The following CNGB3 variants were observed in gnomAD, a reference collection of about 807,000 sequenced individuals.
CNGB3 encodes cyclic nucleotide gated channel subunit beta 3.
Under a neutral mutation model 92.8 loss-of-function variants are expected in CNGB3, and 86 were observed. That is an observed-to-expected ratio of 0.93 (90% CI 0.78 to 1.11). CNGB3 has a LOEUF of 1.11. Ranked by LOEUF, CNGB3 falls within the 50% of genes least tolerant of loss-of-function variation. CNGB3 has a pLI of 0.00. For missense variants in CNGB3, 1,026 were observed against 956.8 expected, an observed-to-expected ratio of 1.07 and a Z score of -0.95; for synonymous variants, 333 against 332.7, an observed-to-expected ratio of 1.00 and a Z score of -0.01.
intron 10 of CNGB3, among the ~76,000 whole-genome samples, chr8:86,641,612 G>A (rs961490191): frequency 6.6e-6 from 1 of 151,228 alleles, no homozygotes; most frequent in African/African-American, 2.4e-5. Flanking sequence ...GGACTGGTTT[G>A]CTTTTTAAAT....
intron 3 of CNGB3, among the ~76,000 whole-genome samples, chr8:86,685,695 A>T (rs539462732): frequency 4.4e-4 from 67 of 152,278 alleles, no homozygotes; most frequent in African/African-American, 1.5e-3. Context: ...TAGGTGATAG[A>T]AGGTTAGAAA....
At chr8:86,625,097 C>G (rs1023802485) in intron 13 of CNGB3, among the ~76,000 whole-genome samples, 18 of 152,282 alleles carry the variant, frequency 1.2e-4, no homozygotes, top group African/African-American at 4.1e-4. Context: ...CCTGCAGAAC[C>G]ATGACCAAAT....
Position 86,611,623 on chromosome 8 carries a change from C to T in CNGB3, c.1627G>A (p.Val543Ile), listed in dbSNP as rs746817996. 1.8e-5 allele frequency: 29 copies of T among 1,613,394 alleles called. 1 individual carries two copies. The highest frequency in any genetic ancestry group is 1.3e-4 in the South Asian group (12 of 91,056). ...ACAAAGTCACCAGGCAAATAGAGAACGGATTTCAATCTTAGCAACATGTCA... is the reference window on the plus strand; with the variant it reads ...ACAAAGTCACCAGGCAAATAGAGAATGGATTTCAATCTTAGCAACATGTCA... ...IYDMLLRLKS[V>I]LYLPGDFVCK... Residue 543 changes from valine to isoleucine, a missense_variant, in exon 14 of 18, where the codon GTT becomes ATT. Val to Ile is a conservative substitution (Grantham distance 29). Transcript: ENST00000320005.
Position 86,585,653 on chromosome 8 carries a change from G to A in CNGB3, c.1782-6401C>T, listed in dbSNP as rs140892621. Among the ~76,000 whole-genome samples, 14 of 152,300 alleles carry A rather than the reference G, an allele frequency of 9.2e-5. No individual in the cohort carries two copies. The East Asian group carries it at 2.7e-3, about 29-fold the overall frequency. ...GCACAGTGGGGCTTCAAATTTAGGTGTAAGCCTTCTGTACCATAAAAATGG... is the reference window on the plus strand; with the variant it reads ...GCACAGTGGGGCTTCAAATTTAGGTATAAGCCTTCTGTACCATAAAAATGG... On this transcript the variant is annotated intron_variant, in intron 15 of 17. Transcript: ENST00000320005.
At chr8:86,715,736 G>T (rs571409610) in intron 3 of CNGB3, among the ~76,000 whole-genome samples, 1 of 146,002 alleles carries the variant, frequency 6.8e-6, no homozygotes, top group East Asian at 2.1e-4. Flanking sequence ...CCAACTTAAA[G>T]AAATAAAAAA....
At chr8:86,589,180 T>C (rs2131544080) in intron 15 of CNGB3, among the ~76,000 whole-genome samples, 1 of 149,792 alleles carries the variant, frequency 6.7e-6, no homozygotes, top group Middle Eastern at 3.4e-3. Context: ...GGATCGGTGG[T>C]GATATCCCCT....
chr8:86,643,865 C>T lies in CNGB3; in HGVS notation c.1064G>A (p.Arg355Gln), dbSNP rs555345043. 22 of 1,605,046 alleles carry T rather than the reference C, an allele frequency of 1.4e-5. No individual in the cohort carries two copies. The highest frequency in any genetic ancestry group is 3.3e-5 in the South Asian group (3 of 90,738). ...AATAAACAGCAAGTATCCAGTTGTT[C>T]GAATAACTCTGTCAGAGAGAATAGA... The part of the protein sequence containing the change: ...MDKAYIYRVI[R>Q]TTGYLLFILH... Residue 355 changes from arginine to glutamine, a missense_variant, in exon 10 of 18, where the codon CGA becomes CAA. Coordinates refer to ENST00000320005, the MANE Select transcript of CNGB3 (RefSeq NM_019098.5).
At chr8:86,654,852 G>A (rs915551616) in intron 6 of CNGB3, among the ~76,000 whole-genome samples, 1 of 152,054 alleles carries the variant, frequency 6.6e-6, no homozygotes, top group Admixed American at 6.6e-5. Flanking sequence ...CATCATACTT[G>A]CTTCCTGGGA....
intron 8 of CNGB3, among the ~76,000 whole-genome samples, chr8:86,646,945 GC>G (rs1358825666): frequency 6.6e-6 from 1 of 150,980 alleles, no homozygotes; most frequent in Non-Finnish European, 1.5e-5. Flanking sequence ...TCTTACTCTT[GC>G]CCCTATCCGT....
intron 15 of CNGB3, among the ~76,000 whole-genome samples, chr8:86,589,468 G>A (rs186988882): frequency 0.033 from 4,947 of 151,272 alleles, 175 homozygotes; most frequent in African/African-American, 0.084. Flanking sequence ...TTTCTCTTGC[G>A]GGCATTTAGT....
At chr8:86,669,590 T>A (rs917307023) in intron 4 of CNGB3, among the ~76,000 whole-genome samples, 3 of 152,196 alleles carry the variant, frequency 2.0e-5, no homozygotes, top group African/African-American at 7.2e-5. Flanking sequence ...TTTCAATATA[T>A]CTTTATCGAA....
intron 10 of CNGB3, among the ~76,000 whole-genome samples, chr8:86,638,829 T>G (rs1188924904): frequency 6.9e-6 from 1 of 143,936 alleles, no homozygotes; most frequent in East Asian, 2.0e-4. Context: ...TTGCTCTGGG[T>G]TTTTTTTTTT....
Position 86,614,650 on chromosome 8 carries a change from G to A in CNGB3, c.1579-2979C>T, listed in dbSNP as rs553433629. Reference sequence around the variant, plus strand: ...TTTTCCAGTAGAGGGTTTTCCTAGGGAGTGGCTATCTTATAGGAATAAACT... The same window carrying A: ...TTTTCCAGTAGAGGGTTTTCCTAGGAAGTGGCTATCTTATAGGAATAAACT... On this transcript the variant is annotated intron_variant, in intron 13 of 17. Transcript: ENST00000320005. Among the ~76,000 whole-genome samples the A allele has an allele frequency of 7.9e-5, 12 of 152,138 alleles. No individual in the cohort carries two copies. The South Asian group carries it at 2.1e-3, about 26-fold the overall frequency.
chr8:86,611,642 C>T lies in CNGB3; in HGVS notation c.1608G>A (p.Met536Ile). ...KGCDTQMIYD[M>I]LLRLKSVLYL... ...AGAGAACGGATTTCAATCTTAGCAA[C>T]ATGTCATAAATCATCTGTGTATCAC... Residue 536 changes from methionine (M) to isoleucine (I), a missense_variant, in exon 14 of 18, where the codon ATG becomes ATA. Met to Ile is a conservative substitution (Grantham distance 10). Transcript: ENST00000320005. The T allele has an allele frequency of 6.2e-7, 1 of 1,613,224 alleles. No individual in the cohort carries two copies. The highest frequency in any genetic ancestry group is 8.5e-7 in the Non-Finnish European group (1 of 1,179,422).
rs1051424286 is a variant in CNGB3 at position 86,626,187 on chromosome 8, A to G, written c.1481-107T>C. On this transcript the variant is annotated intron_variant, in intron 12 of 17. Transcript: ENST00000320005. ...AAAATAAAGGAAACAAAATGCAAAC[A>G]CTTTTTATACATAATTAGATGCATC... 5.1e-6 allele frequency: 4 copies of G among 780,842 alleles called. No homozygotes were observed. In the African/African-American group the frequency reaches 5.2e-5, roughly 10 times the overall value. The allele number at this position is 780,842 out of a possible 1,614,324, so 48.4% of individuals were successfully genotyped here.
rs1366719276 is a variant in CNGB3, at chr8:86,665,911, A to G, written c.852+1014T>C. The stretch of plus-strand genomic sequence containing the variant: ...ATAAAATAAAAATTGGGGAAAAAAA[A>G]GGGTCATGAAAGCTTTGCTTTGTAA... On this transcript the variant is annotated intron_variant, in intron 6 of 17. Transcript: ENST00000320005. Among the ~76,000 whole-genome samples the G allele has an allele frequency of 2.0e-5, 3 of 152,182 alleles. No homozygotes were observed. The East Asian group carries it at 5.8e-4, about 29-fold the overall frequency.
Position 86,720,853 on chromosome 8 carries a change from C to T in CNGB3, c.338+5678G>A, listed in dbSNP as rs1586036037. Among the ~76,000 whole-genome samples, 3 of 84,516 alleles carry T rather than the reference C, an allele frequency of 3.5e-5. No individual in the cohort carries two copies. The Admixed American group carries it at 4.1e-4, about 12-fold the overall frequency. The allele number at this position is 84,516 out of a possible 152,430, so 55.4% of individuals were successfully genotyped here. A position where few individuals can be genotyped will look rare whatever the true frequency, so the allele number is the denominator to read the frequency against. ...ATATATATGTATACACACACACACA[C>T]ACACACACACACACACACACACACA... On this transcript the variant is annotated intron_variant, in intron 3 of 17. Coordinates refer to ENST00000320005, the MANE Select transcript of CNGB3 (RefSeq NM_019098.5).
In CNGB3 at chr8:86,643,542, G is replaced by A. The variant is rs527603233; in HGVS notation, c.1178+209C>T. Among the ~76,000 whole-genome samples, 10 of 151,158 alleles carry A rather than the reference G, an allele frequency of 6.6e-5. No homozygotes were observed. In the South Asian group the frequency reaches 8.3e-4, roughly 13 times the overall value. ...GAACGTGTGATATTTATCGTTTTGGGTCTGGCTTATTTCACTAAGATAATG... is the reference window on the plus strand; with the variant it reads ...GAACGTGTGATATTTATCGTTTTGGATCTGGCTTATTTCACTAAGATAATG... On this transcript the variant is annotated intron_variant, in intron 10 of 17. Coordinates refer to ENST00000320005, the MANE Select transcript of CNGB3 (RefSeq NM_019098.5).
intron 3 of CNGB3, among the ~76,000 whole-genome samples, chr8:86,714,926 T>G (rs1241341977): frequency 6.6e-6 from 1 of 151,934 alleles, no homozygotes; most frequent in East Asian, 1.9e-4. Context: ...ATAATCCCCC[T>G]GGGAATATAA....
Sources: gnomAD v4.1 joint callset for allele counts (sites outside exome capture counted in the v4.1 genomes callset) on GRCh38, gnomAD v4.1.1 for gene constraint, MANE v1.5 for transcripts, NCBI Gene and HGNC (gene_info 2026-07-23, HGNC 2026-07-21) for gene names.